The following SDK1 variants were observed in gnomAD, a reference collection of about 807,000 sequenced individuals.
The protein encoded by SDK1 is sidekick cell adhesion molecule 1.
In SDK1, 157 loss-of-function variants were observed where a neutral mutation model predicts 245.5. The observed-to-expected ratio is 0.64, with a 90% CI of 0.56 to 0.73. The LOEUF (loss-of-function observed/expected upper bound fraction) is 0.73, where lower values mean the gene tolerates loss of function less well. Among genes scored for constraint, SDK1 ranks in the 30% least tolerant of loss-of-function variants. The pLI, the probability that SDK1 is intolerant of heterozygous loss-of-function variation, is 0.00. For synonymous variants in SDK1, 1,647 were observed against 1,278.5 expected (o/e 1.29, Z -6.15); for missense variants, 3,583 against 3,002.3 (o/e 1.19, Z -4.52).
At chr7:4,118,854 G>T (rs1182254127) in intron 25 of SDK1, among the ~76,000 whole-genome samples, 1 of 148,876 alleles carries the variant, frequency 6.7e-6, no homozygotes, top group Non-Finnish European at 1.5e-5. Context: ...GATTCTATTT[G>T]TAGGAAACAT....
At position 3,468,084 on chromosome 7, in the gene SDK1, CAGAG is replaced by C. The variant is rs546240608; in HGVS notation, c.299-150992_299-150989del. Among the ~76,000 whole-genome samples, 4 of 151,932 alleles carry C rather than the reference CAGAG, an allele frequency of 2.6e-5. 1 individual carries two copies. In the East Asian group the frequency reaches 5.8e-4, roughly 22 times the overall value. ...GTATTTTAAAATGGAAAAAATAAAG[CAGAG>C]AGAAATCATAAAGCAGAGAGAAATC... On this transcript the variant is annotated intron_variant, in intron 1 of 44. Transcript: ENST00000404826.
At chr7:3,307,177 A>G (rs1779437033) in intron 1 of SDK1, among the ~76,000 whole-genome samples, 1 of 152,106 alleles carries the variant, frequency 6.6e-6, no homozygotes, top group Non-Finnish European at 1.5e-5. Context: ...CTAAAATTTT[A>G]TTTGACTTCA....
At chr7:3,705,023 C>T (rs1784844678) in intron 4 of SDK1, among the ~76,000 whole-genome samples, 1 of 152,142 alleles carries the variant, frequency 6.6e-6, no homozygotes, top group African/African-American at 2.4e-5. Context: ...TTTCTAGGCT[C>T]TCTACTCTGT....
intron 39 of SDK1, among the ~76,000 whole-genome samples, chr7:4,220,580 GA>G (rs1381292707): frequency 1.4e-5 from 2 of 143,512 alleles, no homozygotes; most frequent in Non-Finnish European, 3.0e-5. Flanking sequence ...AAATAAATCA[GA>G]AAATTTTAAA....
intron 5 of SDK1, among the ~76,000 whole-genome samples, chr7:3,935,935 G>A (rs1254452249): frequency 6.6e-6 from 1 of 152,194 alleles, no homozygotes; most frequent in African/African-American, 2.4e-5. Context: ...ACAGATGTTT[G>A]TATGCCTGTT....
intron 4 of SDK1, among the ~76,000 whole-genome samples, chr7:3,719,492 C>T (rs930226612): frequency 5.3e-5 from 8 of 152,012 alleles, no homozygotes; most frequent in Non-Finnish European, 7.4e-5. Flanking sequence ...CAGACCCACA[C>T]GAATATGCCC....
chr7:4,089,397 G>A (rs1302398426), intron 22 of SDK1, among the ~76,000 whole-genome samples: 2 of 152,220 alleles, frequency 1.3e-5, no homozygotes, highest in African/African-American at 2.4e-5. Context: ...CTGCATCTCC[G>A]CTGAGGGTCC....
At chr7:3,901,071 T>C (rs1781773247) in intron 5 of SDK1, among the ~76,000 whole-genome samples, 1 of 152,246 alleles carries the variant, frequency 6.6e-6, no homozygotes, top group South Asian at 2.1e-4. Flanking sequence ...TTTCATTTTT[T>C]CTCAACATTG....
chr7:4,164,008 T>G (rs1002133890), intron 32 of SDK1, among the ~76,000 whole-genome samples: 1 of 152,168 alleles, frequency 6.6e-6, no homozygotes, highest in African/African-American at 2.4e-5. Flanking sequence ...TGTGCGGGGC[T>G]GCGTCTCGGC....
intron 13 of SDK1, among the ~76,000 whole-genome samples, chr7:3,978,241 C>T (rs554900966): frequency 6.6e-6 from 1 of 152,276 alleles, no homozygotes; most frequent in African/African-American, 2.4e-5. Context: ...CATAAAGACT[C>T]TGTCAGCAGA....
rs543646371 is a variant in SDK1, at chr7:4,174,116, T to C, written c.4801-106T>C. On this transcript the variant is annotated intron_variant, in intron 32 of 44. Coordinates refer to ENST00000404826, the MANE Select transcript of SDK1 (RefSeq NM_152744.4). The stretch of plus-strand genomic sequence containing the variant: ...ACACCTGTCGCTGGAACCCACGACT[T>C]TCTTCTGTGCAGCTGGCTAGTTAAA... 20 of 1,283,804 alleles carry C rather than the reference T, an allele frequency of 1.6e-5. No homozygotes were observed. The African/African-American group carries it at 2.8e-4, about 18-fold the overall frequency. 79.5% of individuals were successfully genotyped at this position (1,283,804 alleles called of 1,614,324 possible). A position where few individuals can be genotyped will look rare whatever the true frequency, so the allele number is the denominator to read the frequency against.
intron 1 of SDK1, among the ~76,000 whole-genome samples, chr7:3,378,152 G>T (rs796609942): frequency 1.2e-4 from 18 of 152,202 alleles, no homozygotes; most frequent in African/African-American, 3.1e-4. Flanking sequence ...GCTTCTCTTG[G>T]ATCCCTTGAG....
chr7:3,831,341 G>A (rs753132967), intron 5 of SDK1, among the ~76,000 whole-genome samples: 5 of 152,244 alleles, frequency 3.3e-5, no homozygotes, highest in East Asian at 1.9e-4. Flanking sequence ...GGTTCTACTC[G>A]TACCTTCCCA....
intron 5 of SDK1, among the ~76,000 whole-genome samples, chr7:3,942,131 C>A (rs1051496899): frequency 6.6e-6 from 1 of 152,138 alleles, no homozygotes; most frequent in Non-Finnish European, 1.5e-5. Flanking sequence ...TGGTCTCGAT[C>A]TCCTGACCTC....
intron 1 of SDK1, among the ~76,000 whole-genome samples, chr7:3,517,762 C>T (rs1343178436): frequency 1.3e-5 from 2 of 152,150 alleles, no homozygotes; most frequent in East Asian, 1.9e-4. Flanking sequence ...TTCCTTTTTC[C>T]AGCACAGGTA....
At chr7:3,842,216 C>T (rs1000604179) in intron 5 of SDK1, among the ~76,000 whole-genome samples, 1 of 152,226 alleles carries the variant, frequency 6.6e-6, no homozygotes, top group Non-Finnish European at 1.5e-5. Context: ...AGTACTTGCA[C>T]CACCATCCCC....
intron 5 of SDK1, among the ~76,000 whole-genome samples, chr7:3,932,626 G>A (rs1780017171): frequency 6.6e-6 from 1 of 152,210 alleles, no homozygotes; most frequent in Admixed American, 6.5e-5. Context: ...CCAAGGGTAA[G>A]TCTGATATAG....
intron 2 of SDK1, among the ~76,000 whole-genome samples, chr7:3,624,087 A>C (rs1247744605): frequency 6.6e-6 from 1 of 152,266 alleles, no homozygotes; most frequent in East Asian, 1.9e-4. Context: ...TGAGATATAA[A>C]AGATGATACT....
At chr7:4,211,382 C>T (rs558021018) in intron 38 of SDK1, among the ~76,000 whole-genome samples, 12 of 151,558 alleles carry the variant, frequency 7.9e-5, no homozygotes, top group Non-Finnish European at 1.2e-4. Flanking sequence ...GGAGGCCGGC[C>T]GGGGCTGTGG....
Sources: allele counts gnomAD v4.1 joint callset (sites outside exome capture counted in the v4.1 genomes callset), GRCh38; gene constraint gnomAD v4.1.1; transcripts MANE v1.5; gene names NCBI Gene and HGNC (gene_info 2026-07-23, HGNC 2026-07-21).